CLCN1: variants seen among roughly 807,000 people sequenced by gnomAD.
CLCN1 encodes chloride channel protein 1.
In CLCN1, 100 loss-of-function variants were observed where a neutral mutation model predicts 114.5. The observed-to-expected ratio is 0.87, with a 90% CI of 0.74 to 1.03. The LOEUF (loss-of-function observed/expected upper bound fraction) is 1.03. Ranked by LOEUF, CLCN1 falls within the 50% of genes least tolerant of loss-of-function variation. CLCN1 has a pLI of 0.00. For synonymous variants in CLCN1, 485 were observed against 487.1 expected (o/e 1.00, Z 0.06); for missense variants, 1,188 against 1,250.0 (o/e 0.95, Z 0.75).
chr7:143,342,929 GTTAAAAAAAAAAAAA>G (rs1803127881), intron 16 of CLCN1, among the ~76,000 whole-genome samples: 1 of 148,806 alleles, frequency 6.7e-6, no homozygotes, highest in South Asian at 2.1e-4. Context: ...ATGAAACTCT[GTTAAAAAAAAAAAAA>G]TTTCCCACTA....
At chr7:143,340,678 A>C (rs1803053594) in intron 14 of CLCN1, among the ~76,000 whole-genome samples, 1 of 152,126 alleles carries the variant, frequency 6.6e-6, no homozygotes, top group Middle Eastern at 3.2e-3. Flanking sequence ...GATTACAGGC[A>C]CATGCCATCA....
Position 143,316,123 on chromosome 7 carries a change from G to T in CLCN1, c.-90G>T, listed in dbSNP as rs1287200335. ...GGCATGCTGCCCCAGACGCCTTGGG[G>T]ACAGCAAGAGCAGAGGCTTAAGGAG... is the stretch of plus-strand genomic sequence containing the variant. On this transcript the variant is annotated 5_prime_UTR_variant, in exon 1 of 23. Coordinates refer to ENST00000343257, the MANE Select transcript of CLCN1 (RefSeq NM_000083.3). The T allele has an allele frequency of 9.2e-6, 10 of 1,081,100 alleles. No homozygotes were observed. The highest frequency in any genetic ancestry group is 4.6e-5 in the African/African-American group (3 of 65,070). The allele number at this position is 1,081,100 out of a possible 1,614,324, so 67.0% of individuals were successfully genotyped here. A position where few individuals can be genotyped will look rare whatever the true frequency, so the allele number is the denominator to read the frequency against.
intron 20 of CLCN1, among the ~76,000 whole-genome samples, chr7:143,349,087 C>T (rs192566902): frequency 1.5e-4 from 23 of 152,230 alleles, no homozygotes; most frequent in Admixed American, 1.0e-3. Flanking sequence ...AAAATGTTGC[C>T]GCGTTATTGT....
chr7:143,341,907 G>A, intron 14 of CLCN1, 22 bp from the exon 15 acceptor site: 2 of 1,599,200 alleles, frequency 1.3e-6, no homozygotes, highest in Non-Finnish European at 1.7e-6. Context: ...TAACCTACAG[G>A]CGTATTCCTG....
Position 143,330,816 on chromosome 7 carries a change from C to G in CLCN1, c.898C>G (p.Arg300Gly), listed in dbSNP as rs368280521. ...GGTCACCTCCACCTACTTTGCTGTT[C>G]GGAACTACTGGAGAGGATTCTTTGC... ...IEVTSTYFAV[R>G]NYWRGFFAAT... Residue 300 changes from arginine to glycine, a missense_variant, in exon 8 of 23, where the codon CGG becomes GGG. Physicochemically the swap from Arg to Gly is moderately radical, Grantham distance 125. Coordinates refer to ENST00000343257, the MANE Select transcript of CLCN1 (RefSeq NM_000083.3). 6.2e-7 allele frequency: 1 copy of G among 1,614,160 alleles called. No homozygotes were observed. Among genetic ancestry groups the G allele is most frequent in the Non-Finnish European group, 8.5e-7 (1 of 1,180,034 alleles).
chr7:143,332,793 G>C lies in CLCN1; in HGVS notation c.1321G>C (p.Glu441Gln). ...NTWVKHAGDP[E>Q]SLGQSAVWIH... ...ATGGGTGAAACACGCGGGTGATCCT[G>C]AGAGCCTGGGCCAGTCAGCTGTGTG... The change falls in exon 12 of 23, where the codon GAG becomes CAG. Residue 441 changes from glutamate (E) to glutamine (Q), a missense_variant. Transcript: ENST00000343257. The C allele has an allele frequency of 6.2e-7, 1 of 1,614,132 alleles. No individual in the cohort carries two copies. Among genetic ancestry groups the C allele is most frequent in the Non-Finnish European group, 8.5e-7 (1 of 1,179,998 alleles).
chr7:143,334,542 C>T (rs538363769), intron 12 of CLCN1, among the ~76,000 whole-genome samples: 4 of 152,150 alleles, frequency 2.6e-5, no homozygotes, highest in East Asian at 1.9e-4. Context: ...TCATCATTAA[C>T]CTTTAGCTAT....
intron 1 of CLCN1, among the ~76,000 whole-genome samples, chr7:143,319,180 G>A (rs947416039): frequency 2.6e-5 from 4 of 152,168 alleles, no homozygotes; most frequent in East Asian, 1.9e-4. Context: ...CTGCCTTTTC[G>A]GGCTAGTTCT....
rs1220204810 is a variant in CLCN1, at chr7:143,316,327, A to T, written c.115A>T (p.Asn39Tyr). The change falls in exon 1 of 23, where the codon AAT becomes TAT. Residue 39 changes from asparagine to tyrosine, a missense_variant. Physicochemically the swap from Asn to Tyr is moderately radical, Grantham distance 143. Coordinates refer to ENST00000343257, the MANE Select transcript of CLCN1 (RefSeq NM_000083.3). ...CACCAGCTACGGACTGCCCTCTGAG[A>T]ATGGGGGCCTCCAGCACAGGCTCCG... is the stretch of plus-strand genomic sequence containing the variant. ...HCTSYGLPSENGGLQHRLRKD... is the reference protein window; with the variant it reads ...HCTSYGLPSEYGGLQHRLRKD... The T allele has an allele frequency of 6.2e-7, 1 of 1,613,176 alleles. No individual in the cohort carries two copies. Among genetic ancestry groups the T allele is most frequent in the Non-Finnish European group, 8.5e-7 (1 of 1,179,972 alleles).
At chr7:143,333,309 A>AG (rs1356546039) in intron 12 of CLCN1, among the ~76,000 whole-genome samples, 2 of 152,168 alleles carry the variant, frequency 1.3e-5, no homozygotes, top group Non-Finnish European at 2.9e-5. Context: ...TCAAAAAAAA[A>AG]AAAAAAAATT....
chr7:143,333,545 T>A (rs574190557), intron 12 of CLCN1, among the ~76,000 whole-genome samples: 20 of 152,220 alleles, frequency 1.3e-4, no homozygotes, highest in Non-Finnish European at 1.9e-4. Context: ...ACTTAGTAGA[T>A]AATTAAGTAT....
intron 11 of CLCN1, 90 bp from the exon 12 acceptor site, chr7:143,332,634 T>A: frequency 6.4e-7 from 1 of 1,565,228 alleles, no homozygotes; most frequent in Non-Finnish European, 8.8e-7. Flanking sequence ...AAGAGACCCT[T>A]GAATAATGAG....
rs1198219818 is a variant in CLCN1, at chr7:143,331,588, C to A, written c.1102C>A (p.Leu368Met). 17 of 1,614,016 alleles carry A rather than the reference C, an allele frequency of 1.1e-5. No homozygotes were observed. The highest frequency in any genetic ancestry group is 1.4e-5 in the Non-Finnish European group (16 of 1,179,984). Residue 368 changes from leucine (L) to methionine (M), a missense_variant, in exon 10 of 23, where the codon CTG becomes ATG. Transcript: ENST00000343257. ...GCTCCTGGGAGCTGTATTTGTGTAT[C>A]TGCATCGCCAAGTCATGCTCGGTGT... Reference protein sequence around the residue: ...CGLLGAVFVYLHRQVMLGVRK... With the variant: ...CGLLGAVFVYMHRQVMLGVRK...
intron 7 of CLCN1, among the ~76,000 whole-genome samples, chr7:143,325,733 A>G (rs1470402362): frequency 6.6e-6 from 1 of 152,208 alleles, no homozygotes; most frequent in Non-Finnish European, 1.5e-5. Context: ...CATGAAGAGA[A>G]TTTGCATTTT....
intron 3 of CLCN1, 90 bp downstream of exon 3, chr7:143,320,885 A>G: frequency 6.7e-7 from 1 of 1,487,956 alleles, no homozygotes; most frequent in Non-Finnish European, 9.4e-7. Context: ...AATGTTAAGC[A>G]GGGTGTGTTA....
At chr7:143,316,513 A>G in intron 1 of CLCN1, 121 bp downstream of exon 1, 2 of 910,666 alleles carry the variant, frequency 2.2e-6, no homozygotes, top group Non-Finnish European at 3.4e-6. Context: ...TAACTTAAAA[A>G]ACAAGTACGT....
chr7:143,351,513 T>C, intron 22 of CLCN1, 81 bp from the exon 23 acceptor site: 2 of 1,480,792 alleles, frequency 1.4e-6, no homozygotes, highest in Admixed American at 1.9e-5. Context: ...TTGTACCTGT[T>C]CTTTTCTGTG....
At chr7:143,323,791 C>G (rs565330437) in intron 6 of CLCN1, 1 of 478,676 alleles carries the variant, frequency 2.1e-6, no homozygotes, top group Admixed American at 2.3e-5. Context: ...CCCTCCACCC[C>G]CTTGTCCCGC....
At chr7:143,317,539 T>A (rs942427362) in intron 1 of CLCN1, among the ~76,000 whole-genome samples, 1 of 152,080 alleles carries the variant, frequency 6.6e-6, no homozygotes, top group African/African-American at 2.4e-5. Context: ...TTAACCACTG[T>A]GCCCAGTCTG....
Sources: gnomAD v4.1 joint callset for allele counts (sites outside exome capture counted in the v4.1 genomes callset) on GRCh38, gnomAD v4.1.1 for gene constraint, MANE v1.5 for transcripts, NCBI Gene and HGNC (gene_info 2026-07-23, HGNC 2026-07-21) for gene names.